DOCK10: variants seen among roughly 807,000 people sequenced by gnomAD.
DOCK10 encodes dedicator of cytokinesis 10.
Under a neutral mutation model 280.1 loss-of-function variants are expected in DOCK10, and 145 were observed. That is an observed-to-expected ratio of 0.52 (90% confidence interval 0.45 to 0.59). The LOEUF (loss-of-function observed/expected upper bound fraction) is 0.59, where lower values mean the gene tolerates loss of function less well. DOCK10 is among the 20% of genes least tolerant of loss of function. The pLI is 0.00. For missense variants in DOCK10, 2,368 were observed against 2,651.7 expected, an observed-to-expected ratio of 0.89 and a Z score of 2.35; for synonymous variants, 915 against 942.2, an observed-to-expected ratio of 0.97 and a Z score of 0.53.
chr2:225,009,775 A>G (rs1296172529), intron 1 of DOCK10, among the ~76,000 whole-genome samples: 7 of 152,230 alleles, frequency 4.6e-5, no homozygotes, highest in Admixed American at 4.6e-4. Flanking sequence ...ATAGATGTTC[A>G]TTTTGACTCA....
At chr2:224,935,406 G>A (rs2126041788) in intron 1 of DOCK10, among the ~76,000 whole-genome samples, 1 of 152,250 alleles carries the variant, frequency 6.6e-6, no homozygotes, top group South Asian at 2.1e-4. Context: ...TGAAACATAA[G>A]CTAGACTACC....
intron 11 of DOCK10, among the ~76,000 whole-genome samples, chr2:224,873,012 A>G (rs199741784): frequency 6.6e-6 from 1 of 152,192 alleles, no homozygotes; most frequent in East Asian, 1.9e-4. Context: ...TACATTAACA[A>G]TCTAGTGGGA....
chr2:224,845,019 G>T (rs1696236483), intron 21 of DOCK10, among the ~76,000 whole-genome samples, 180 bp from the exon 22 acceptor site: 1 of 152,146 alleles, frequency 6.6e-6, no homozygotes, highest in Non-Finnish European at 1.5e-5. Context: ...ATGACATCGG[G>T]ATCATTTTTA....
At position 224,959,742 on chromosome 2, in the gene DOCK10, A is replaced by G. The variant is rs1053709738; in HGVS notation, c.124-28074T>C. Among the ~76,000 whole-genome samples, 3 of 152,204 alleles carry G rather than the reference A, an allele frequency of 2.0e-5. No individual in the cohort carries two copies. In the South Asian group the frequency reaches 6.2e-4, roughly 31 times the overall value. Reference sequence around the variant, plus strand: ...GAATATTCAGTTATGTATTTTTAACATCTCATTACTTTCGCCTTGAATACA... The same window carrying G: ...GAATATTCAGTTATGTATTTTTAACGTCTCATTACTTTCGCCTTGAATACA... On this transcript the variant is annotated intron_variant, in intron 1 of 55. Coordinates refer to ENST00000258390, the MANE Select transcript of DOCK10 (RefSeq NM_014689.3).
chr2:225,034,219 T>C (rs1024112307), intron 1 of DOCK10, among the ~76,000 whole-genome samples: 1 of 152,216 alleles, frequency 6.6e-6, no homozygotes. Context: ...GAGGCAGTTA[T>C]AGAGTAGTCA....
intron 1 of DOCK10, among the ~76,000 whole-genome samples, chr2:225,033,589 C>A (rs1179210278): frequency 6.6e-6 from 1 of 152,168 alleles, no homozygotes; most frequent in Non-Finnish European, 1.5e-5. Context: ...GCCACTAATT[C>A]AGTCACATTC....
At chr2:224,827,861 C>G (rs1371789836) in intron 27 of DOCK10, among the ~76,000 whole-genome samples, 1 of 152,154 alleles carries the variant, frequency 6.6e-6, no homozygotes, top group Non-Finnish European at 1.5e-5. Flanking sequence ...TTCTGTCATA[C>G]TAAGATCAAG....
intron 19 of DOCK10, 82 bp downstream of exon 19, chr2:224,849,425 A>T (rs775313106): frequency 1.6e-5 from 15 of 942,734 alleles, no homozygotes; most frequent in Non-Finnish European, 2.3e-5. Flanking sequence ...GTCTAGAGAG[A>T]GTGTTTTTCA....
intron 2 of DOCK10, among the ~76,000 whole-genome samples, 166 bp from the exon 3 acceptor site, chr2:224,916,950 A>C (rs1701362754): frequency 6.6e-6 from 1 of 152,156 alleles, no homozygotes; most frequent in Admixed American, 6.5e-5. Context: ...AGGAGAGAAG[A>C]TGTGGACATT....
chr2:224,807,598 G>T (rs1473803461), intron 33 of DOCK10, 70 bp downstream of exon 33: 1 of 1,075,228 alleles, frequency 9.3e-7, no homozygotes, highest in Non-Finnish European at 1.4e-6. Flanking sequence ...TGGTTATCCA[G>T]GGCAAAAAAT....
intron 55 of DOCK10, chr2:224,768,955 G>A (rs1483689552): frequency 4.4e-6 from 2 of 454,424 alleles, no homozygotes; most frequent in Non-Finnish European, 8.8e-6. Context: ...GAGCTGCCAG[G>A]AAAAAAGAGA....
intron 30 of DOCK10, among the ~76,000 whole-genome samples, chr2:224,814,866 A>C (rs1180771138): frequency 1.3e-5 from 2 of 152,140 alleles, no homozygotes; most frequent in Non-Finnish European, 2.9e-5. Context: ...AATTATTCTA[A>C]TTGTTAGCTT....
intron 3 of DOCK10, among the ~76,000 whole-genome samples, chr2:224,903,430 T>C (rs1423077208): frequency 6.6e-6 from 1 of 152,250 alleles, no homozygotes; most frequent in African/African-American, 2.4e-5. Flanking sequence ...TTTCATTCAG[T>C]ATTTTATTCA....
At position 224,805,341 on chromosome 2, in the gene DOCK10, C is replaced by T; in HGVS notation, c.3937-21G>A. ...GGGATCTGGGAATTCAAGAACCAAT[C>T]AGGATTGAGTGAGAGTGAGTGACCT... is the stretch of plus-strand genomic sequence containing the variant. On this transcript the variant is annotated intron_variant, in intron 35 of 55. Transcript: ENST00000258390. This position sits in a 1 kb window ranked among gnomAD's most constrained non-coding sequence, Gnocchi z 4.3. The T allele has an allele frequency of 6.2e-7, 1 of 1,612,642 alleles. No individual in the cohort carries two copies. The highest frequency in any genetic ancestry group is 8.5e-7 in the Non-Finnish European group (1 of 1,179,108).
chr2:224,957,366 C>T (rs539471031), intron 1 of DOCK10, among the ~76,000 whole-genome samples: 243 of 149,504 alleles, frequency 1.6e-3, no homozygotes, highest in African/African-American at 5.8e-3. Context: ...TCATAGCTCA[C>T]TGCAACCTTG....
At chr2:224,782,506 G>GGGACACTTTGGA (rs1691424255) in intron 50 of DOCK10, among the ~76,000 whole-genome samples, 1 of 152,162 alleles carries the variant, frequency 6.6e-6, no homozygotes, top group African/African-American at 2.4e-5. Flanking sequence ...CAATACCTCA[G>GGGACACTTTGGA]GGACACTTTG....
chr2:224,846,972 A>G lies in DOCK10; in HGVS notation c.2236-1330T>C, dbSNP rs147283121. Among the ~76,000 whole-genome samples the G allele has an allele frequency of 6.0e-3, 916 of 152,346 alleles. 9 individuals carry two copies. Among genetic ancestry groups the G allele is most frequent in the African/African-American group, 0.019 (806 of 41,582 alleles). On this transcript the variant is annotated intron_variant, in intron 19 of 55. Transcript: ENST00000258390. ...ACATTGTTGAGTAATATGGTATAGT[A>G]AATGATGCAGCTTCGGCATGGAATT...
intron 1 of DOCK10, among the ~76,000 whole-genome samples, chr2:225,005,528 C>T (rs1021404977): frequency 1.3e-5 from 2 of 152,102 alleles, no homozygotes; most frequent in Admixed American, 1.3e-4. Flanking sequence ...CAATGACTAC[C>T]TTTTTTCCAT....
chr2:224,947,091 A>G, intron 1 of DOCK10: 2 of 1,349,620 alleles, frequency 1.5e-6, no homozygotes, highest in Non-Finnish European at 1.9e-6. Context: ...ATGTAACTCA[A>G]CAGAAAGGAA....
Sources: gnomAD v4.1 joint callset for allele counts (sites outside exome capture counted in the v4.1 genomes callset) on GRCh38, gnomAD v4.1.1 for gene constraint, Gnocchi (gnomAD v3.1) non-coding constraint, MANE v1.5 for transcripts, NCBI Gene and HGNC (gene_info 2026-07-23, HGNC 2026-07-21) for gene names.